IQCH: variants seen among roughly 807,000 people sequenced by gnomAD.
The protein encoded by IQCH is IQ domain-containing protein H.
A neutral mutation model predicts 117.0 loss-of-function variants in IQCH; 98 were observed. The observed-to-expected ratio is 0.84, with a 90% CI of 0.71 to 0.99. The LOEUF is 0.99. Ranked by LOEUF, IQCH falls within the 50% of genes least tolerant of loss-of-function variation. IQCH has a pLI of 0.00. For synonymous variants in IQCH, 412 were observed against 448.2 expected (o/e 0.92, Z 1.02); for missense variants, 1,102 against 1,243.8 (o/e 0.89, Z 1.72).
At chr15:67,348,873 T>C (rs1026876910) in intron 6 of IQCH, among the ~76,000 whole-genome samples, 1 of 152,184 alleles carries the variant, frequency 6.6e-6, no homozygotes, top group African/African-American at 2.4e-5. Flanking sequence ...AAAGCTACAG[T>C]AATCAGGACC....
chr15:67,415,542 T>C (rs914357178), intron 14 of IQCH, among the ~76,000 whole-genome samples: 2 of 152,258 alleles, frequency 1.3e-5, no homozygotes, highest in African/African-American at 4.8e-5. Context: ...GTGTCAGATG[T>C]TTGTCTTCTA....
At chr15:67,327,916 C>G (rs1318496000) in intron 4 of IQCH, among the ~76,000 whole-genome samples, 1 of 152,132 alleles carries the variant, frequency 6.6e-6, no homozygotes, top group African/African-American at 2.4e-5. Flanking sequence ...GCTTTTATGA[C>G]AGCACTAAAC....
chr15:67,435,047 G>C (rs1422001456), intron 16 of IQCH, among the ~76,000 whole-genome samples: 1 of 149,142 alleles, frequency 6.7e-6, no homozygotes, highest in East Asian at 2.0e-4. Context: ...AGTAGAGATG[G>C]GGTTTCACCA....
intron 16 of IQCH, 45 bp downstream of exon 16, chr15:67,421,622 C>T: frequency 6.3e-7 from 1 of 1,587,520 alleles, no homozygotes; most frequent in Non-Finnish European, 8.6e-7. Flanking sequence ...TATGTAATGA[C>T]TCCGCACCCT....
intron 6 of IQCH, among the ~76,000 whole-genome samples, chr15:67,347,714 G>GA (rs1172331546): frequency 6.7e-6 from 1 of 149,976 alleles, no homozygotes; most frequent in Non-Finnish European, 1.5e-5. Flanking sequence ...AAAGACTTTA[G>GA]AAAAAAACTA....
intron 4 of IQCH, among the ~76,000 whole-genome samples, chr15:67,318,484 A>G (rs1221805504): frequency 3.3e-5 from 5 of 152,242 alleles, no homozygotes; most frequent in South Asian, 2.1e-4. Context: ...TTTATGTCCA[A>G]TGTAATTCCA....
chr15:67,419,841 G>A (rs1000527912), intron 15 of IQCH, among the ~76,000 whole-genome samples: 1 of 152,168 alleles, frequency 6.6e-6, no homozygotes, highest in Non-Finnish European at 1.5e-5. Context: ...AAAGGTTGTG[G>A]TCATGATGCT....
chr15:67,297,867 A>G (rs953704372), intron 4 of IQCH, among the ~76,000 whole-genome samples: 1 of 152,206 alleles, frequency 6.6e-6, no homozygotes, highest in Non-Finnish European at 1.5e-5. Context: ...GCTTCTGCAC[A>G]GCAAAAAGAA....
In IQCH at chr15:67,408,135, A is replaced by G. The variant is rs1201198202; in HGVS notation, c.2097+7830A>G. The G allele has an allele frequency of 1.3e-5, 2 of 152,264 alleles. No individual in the cohort carries two copies. Among genetic ancestry groups the G allele is most frequent in the African/African-American group, 4.8e-5 (2 of 41,478 alleles). 9.4% of individuals were successfully genotyped at this position (152,264 alleles called of 1,614,324 possible). ...TGAATTTAACTACCAGTTTTTCGCA[A>G]TAACAGCATGGAAGGAAGGAATAAA... On this transcript the variant is annotated intron_variant, in intron 14 of 20. Coordinates refer to ENST00000335894, the MANE Select transcript of IQCH (RefSeq NM_001031715.3). The surrounding 1 kb of genome is among the most constrained non-coding windows in gnomAD (Gnocchi z 4.2).
At chr15:67,499,873 C>T (rs1317905394) in intron 20 of IQCH, among the ~76,000 whole-genome samples, 3 of 152,072 alleles carry the variant, frequency 2.0e-5, no homozygotes, top group Admixed American at 2.0e-4. Flanking sequence ...CAAAAGGTCA[C>T]ATATTGTATG....
rs966105265 is a variant in IQCH at position 67,430,982 on chromosome 15, C to T, written c.2505+9405C>T. Among the ~76,000 whole-genome samples, 6 of 152,126 alleles carry T rather than the reference C, an allele frequency of 3.9e-5. No individual in the cohort carries two copies. Among genetic ancestry groups the T allele is most frequent in the Admixed American group, 2.0e-4 (3 of 15,270 alleles). On this transcript the variant is annotated intron_variant, in intron 16 of 20. Coordinates refer to ENST00000335894, the MANE Select transcript of IQCH (RefSeq NM_001031715.3). The surrounding 1 kb of genome is among the most constrained non-coding windows in gnomAD (Gnocchi z 5.1). ...ATGCATTCAGACAAGAGAAAGATCC[C>T]TTCTGTTGGGAGCAATCAAGAAAGG...
At position 67,463,526 on chromosome 15, in the gene IQCH, G is replaced by A. The variant is rs906499219; in HGVS notation, c.2506-1601G>A. Among the ~76,000 whole-genome samples, 1 of 152,116 alleles carries A rather than the reference G, an allele frequency of 6.6e-6. No homozygotes were observed. Among genetic ancestry groups the A allele is most frequent in the Non-Finnish European group, 1.5e-5 (1 of 68,028 alleles). ...CCACTTCCTAACTCAGTGGATTTGGGTACCTCCCTGAACCTCAGTTTCTTC... is the reference window on the plus strand; with the variant it reads ...CCACTTCCTAACTCAGTGGATTTGGATACCTCCCTGAACCTCAGTTTCTTC... On this transcript the variant is annotated intron_variant, in intron 16 of 20. Coordinates refer to ENST00000335894, the MANE Select transcript of IQCH (RefSeq NM_001031715.3). The surrounding 1 kb of genome is among the most constrained non-coding windows in gnomAD (Gnocchi z 4.0).
At chr15:67,295,816 T>C (rs963361139) in intron 4 of IQCH, among the ~76,000 whole-genome samples, 3 of 152,198 alleles carry the variant, frequency 2.0e-5, no homozygotes, top group African/African-American at 7.2e-5. Context: ...GGCCAGCCTC[T>C]TATTAAGGCC....
chr15:67,373,468 C>A (rs1181636273), intron 10 of IQCH, 35 bp downstream of exon 10: 3 of 1,318,976 alleles, frequency 2.3e-6, no homozygotes, highest in Non-Finnish European at 3.3e-6. Context: ...TATCAGCAAC[C>A]TCTATTACCC....
In IQCH at chr15:67,400,289, G is replaced by T. The variant is rs759546072; in HGVS notation, c.2081G>T (p.Arg694Ile). The T allele has an allele frequency of 5.6e-6, 9 of 1,613,054 alleles. No homozygotes were observed. The highest frequency in any genetic ancestry group is 2.2e-5 in the South Asian group (2 of 91,038). Residue 694 changes from arginine (R) to isoleucine (I), a missense_variant, in exon 14 of 21, where the codon AGA becomes ATA. Arg to Ile is a moderately conservative substitution (Grantham distance 97, BLOSUM62 -3). Coordinates refer to ENST00000335894, the MANE Select transcript of IQCH (RefSeq NM_001031715.3). ...ESSRYGLEDWRKKWAQEPALV... is the reference protein window; with the variant it reads ...ESSRYGLEDWIKKWAQEPALV... Reference sequence around the variant, plus strand: ...AGCAGATATGGCCTTGAAGACTGGAGAAAGAAATGGGCACAAGTGAGTATT... The same window carrying T: ...AGCAGATATGGCCTTGAAGACTGGATAAAGAAATGGGCACAAGTGAGTATT...
rs2414957 is a variant in IQCH, at chr15:67,465,426, T to C, written c.2676+129T>C. On this transcript the variant is annotated intron_variant, in intron 17 of 20. Coordinates refer to ENST00000335894, the MANE Select transcript of IQCH (RefSeq NM_001031715.3). This position sits in a 1 kb window ranked among gnomAD's most constrained non-coding sequence, Gnocchi z 5.9. ...AAGAGCCTAAGGCAAGTCATTGGAC[T>C]TGTCTGAGCAGGGTCTGGAAATGCG... The C allele has an allele frequency of 0.87, 800,228 of 921,520 alleles. 348,369 individuals are homozygous for C. Among genetic ancestry groups the C allele is most frequent in the African/African-American group, 0.91 (54,926 of 60,498 alleles). The allele number at this position is 921,520 out of a possible 1,614,324, so 57.1% of individuals were successfully genotyped here.
In IQCH at chr15:67,401,378, T is replaced by C. The variant is rs886886936; in HGVS notation, c.2097+1073T>C. On this transcript the variant is annotated intron_variant, in intron 14 of 20. Coordinates refer to ENST00000335894, the MANE Select transcript of IQCH (RefSeq NM_001031715.3). This position sits in a 1 kb window ranked among gnomAD's most constrained non-coding sequence, Gnocchi z 4.7. The stretch of plus-strand genomic sequence containing the variant: ...GCCTGGCTTCTCTTAATCCCAAATA[T>C]CTGTTTTGGCTGACCTGCTGGTTAA... 6.6e-6 allele frequency among the ~76,000 whole-genome samples: 1 copy of C among 152,210 alleles called. No homozygotes were observed. Among genetic ancestry groups the C allele is most frequent in the African/African-American group, 2.4e-5 (1 of 41,450 alleles).
At chr15:67,264,645 C>G (rs1236828119) in intron 3 of IQCH, among the ~76,000 whole-genome samples, 1 of 152,080 alleles carries the variant, frequency 6.6e-6, no homozygotes, top group Admixed American at 6.5e-5. Context: ...GTAACCTAAT[C>G]TCAGAACTGG....
intron 6 of IQCH, among the ~76,000 whole-genome samples, chr15:67,350,111 A>G (rs1969589593): frequency 1.3e-5 from 2 of 152,220 alleles, no homozygotes; most frequent in South Asian, 4.1e-4. Flanking sequence ...ATTCATAATC[A>G]CCAAAAACTG....
Sources: allele counts gnomAD v4.1 joint callset (sites outside exome capture counted in the v4.1 genomes callset), GRCh38; gene constraint gnomAD v4.1.1; non-coding constraint Gnocchi (gnomAD v3.1); transcripts MANE v1.5; gene names NCBI Gene and HGNC (gene_info 2026-07-23, HGNC 2026-07-21).